Variants in FAM186A observed in about 807,000 individuals in gnomAD.
FAM186A encodes the protein family with sequence similarity 186 member A.
In FAM186A, 163 loss-of-function variants were observed where a neutral mutation model predicts 216.8. The observed-to-expected ratio is 0.75, with a 90% CI of 0.66 to 0.86. The LOEUF (loss-of-function observed/expected upper bound fraction) is 0.86, where lower values mean the gene tolerates loss of function less well. FAM186A is among the 40% of genes least tolerant of loss of function. The pLI, the probability that FAM186A is intolerant of heterozygous loss-of-function variation, is 0.00. For synonymous variants in FAM186A, 805 were observed against 1,025.3 expected (o/e 0.79, Z 4.10); for missense variants, 2,184 against 2,746.2 (o/e 0.80, Z 4.58).
chr12:50,370,123 CA>C (rs56403101), intron 1 of FAM186A, among the ~76,000 whole-genome samples: 49 of 38,438 alleles, frequency 1.3e-3, no homozygotes, highest in African/African-American at 4.3e-3. Flanking sequence ...GACTCCATCT[CA>C]AAAAAAAAAA....
chr12:50,373,077 G>GAA (rs1491372726), intron 1 of FAM186A, among the ~76,000 whole-genome samples: 1 of 138,488 alleles, frequency 7.2e-6, no homozygotes, highest in East Asian at 2.2e-4. Context: ...GAAAGAAAGA[G>GAA]AAAAGAAAGA....
chr12:50,360,896 T>A lies in FAM186A; in HGVS notation c.443A>T (p.Asp148Val). 1 of 1,544,240 alleles carries A rather than the reference T, an allele frequency of 6.5e-7. No homozygotes were observed. The highest frequency in any genetic ancestry group is 8.7e-7 in the Non-Finnish European group (1 of 1,145,230). ...NDVLSEMTLM[D>V]VDEHHHWIAQ... ...TATCCAGTGGTGGTGTTCATCAACA[T>A]CCATTAGAGTCATCTCAGACAAAAC... The change falls in exon 3 of 8, where the codon GAT (aspartate) becomes GTT (valine). Residue 148 changes from aspartate (D) to valine (V), a missense_variant. Transcript: ENST00000327337.
rs771595917 is a variant in FAM186A, at chr12:50,336,895, G to GTA, written c.6504-2794_6504-2793dup. On this transcript the variant is annotated intron_variant, in intron 4 of 7. Coordinates refer to ENST00000327337, the MANE Select transcript of FAM186A (RefSeq NM_001145475.3). ...AAATATATGTATTTTATATACATGC[G>GTA]TATATATATATATTGCCTCAGGTGA... Among the ~76,000 whole-genome samples the GTA allele has an allele frequency of 2.5e-4, 38 of 150,106 alleles. No individual in the cohort carries two copies. The South Asian group carries it at 2.9e-3, about 12-fold the overall frequency.
intron 1 of FAM186A, among the ~76,000 whole-genome samples, chr12:50,383,439 A>G (rs1207227235): frequency 2.0e-5 from 3 of 151,780 alleles, no homozygotes; most frequent in Non-Finnish European, 1.5e-5. Context: ...TACTAAAAAT[A>G]CAAAAAATTA....
chr12:50,375,502 T>C (rs1230642617), intron 1 of FAM186A, among the ~76,000 whole-genome samples: 1 of 151,112 alleles, frequency 6.6e-6, no homozygotes, highest in Non-Finnish European at 1.5e-5. Context: ...CGAGCCGAGA[T>C]TGCACCATTG....
intron 4 of FAM186A, among the ~76,000 whole-genome samples, chr12:50,337,752 T>C (rs763216550): frequency 3.3e-5 from 5 of 151,848 alleles, no homozygotes; most frequent in Non-Finnish European, 5.9e-5. Flanking sequence ...AAAAATTAGC[T>C]GGGCGTGGTG....
chr12:50,365,722 A>G (rs1342939668), intron 1 of FAM186A: 2 of 751,692 alleles, frequency 2.7e-6, no homozygotes, highest in East Asian at 4.9e-5. Context: ...ACACCTTCCC[A>G]CATTCGCAGG....
Position 50,330,652 on chromosome 12 carries a change from C to T in FAM186A, c.6955G>A (p.Gly2319Arg), listed in dbSNP as rs1462649842. 1.0e-5 allele frequency: 16 copies of T among 1,550,440 alleles called. No homozygotes were observed. In the Admixed American group the frequency reaches 3.0e-4, roughly 29 times the overall value. The change falls in exon 7 of 8, where the codon GGG (glycine) becomes AGG (arginine). Residue 2319 changes from glycine to arginine, a missense_variant. By Grantham distance (125) the Gly-to-Arg change is moderately radical (BLOSUM62 -2). This residue lies in a region of FAM186A where 721 missense variants were observed against 816.4 expected (regional missense o/e 0.88). Coordinates refer to ENST00000327337, the MANE Select transcript of FAM186A (RefSeq NM_001145475.3). ...AGCAGCCTGGGAATATCTGGGTACCCACCCAGCTGGGCCCAGAGTGAATGC... is the reference window on the plus strand; with the variant it reads ...AGCAGCCTGGGAATATCTGGGTACCTACCCAGCTGGGCCCAGAGTGAATGC... ...SMHSLWAQLG[G>R]YPDIPRLLQL...
At chr12:50,349,642 C>G (rs7137319) in intron 4 of FAM186A, among the ~76,000 whole-genome samples, 98,086 of 138,604 alleles carry the variant, frequency 0.71, 32,158 homozygotes, top group Admixed American at 0.78. Flanking sequence ...ATGGCAGGAT[C>G]TCTTTTTATT....
Position 50,355,743 on chromosome 12 carries a change from C to T in FAM186A, c.1089G>A (p.Ala363=), listed in dbSNP as rs914663410. The T allele has an allele frequency of 3.8e-5, 59 of 1,551,520 alleles. No individual in the cohort carries two copies. Among genetic ancestry groups the T allele is most frequent in the Non-Finnish European group, 4.7e-5 (54 of 1,146,984 alleles). The part of the protein sequence containing the change: ...LPGPSPQSSR[A]IIKVGDTEDN... ...CCTCAGTATCACCAACTTTGATTAT[C>T]GCCCTGGATGACTGTGGAGAAGGTC... is the stretch of plus-strand genomic sequence containing the variant. The change falls in exon 4 of 8, where the codon GCG becomes GCA. Residue 363 remains alanine (A), a synonymous_variant. Coordinates refer to ENST00000327337, the MANE Select transcript of FAM186A (RefSeq NM_001145475.3).
intron 4 of FAM186A, among the ~76,000 whole-genome samples, chr12:50,348,803 G>A (rs2138771214): frequency 6.6e-6 from 1 of 152,222 alleles, no homozygotes; most frequent in South Asian, 2.1e-4. Flanking sequence ...TGATCCACCT[G>A]CCTCGGCCTC....
At chr12:50,338,401 A>T (rs777308956) in intron 4 of FAM186A, among the ~76,000 whole-genome samples, 2 of 152,100 alleles carry the variant, frequency 1.3e-5, no homozygotes, top group Non-Finnish European at 2.9e-5. Flanking sequence ...GGGTTTCACC[A>T]TGTTGGCTAG....
Position 50,393,971 on chromosome 12 carries a change from T to G in FAM186A, c.192+2322A>C, listed in dbSNP as rs1458168061. On this transcript the variant is annotated intron_variant, in intron 1 of 7. Transcript: ENST00000327337. ...TCTTGCTCTGTCACCCAGGCTGGAG[T>G]GCATTGGCACCATCTCGGCTCACTG... 2.0e-5 allele frequency among the ~76,000 whole-genome samples: 3 copies of G among 151,992 alleles called. No individual in the cohort carries two copies. The South Asian group carries it at 6.2e-4, about 32-fold the overall frequency.
rs1447994614 is a variant in FAM186A at position 50,351,567 on chromosome 12, G to T, written c.5265C>A (p.Val1755=). The change falls in exon 4 of 8, where the codon GTC becomes GTA. Residue 1755 remains valine (V), a synonymous_variant. Transcript: ENST00000327337. ...PTAEKSSIFG[V]SSTPLQISRV... The stretch of plus-strand genomic sequence containing the variant: ...TTGATATCTGCAAAGGAGTAGAAGA[G>T]ACCCCGAATATAGAGGACTTCTCAG... 1.3e-6 allele frequency: 2 copies of T among 1,549,612 alleles called. No individual in the cohort carries two copies. The highest frequency in any genetic ancestry group is 1.7e-6 in the Non-Finnish European group (2 of 1,146,056).
intron 1 of FAM186A, chr12:50,365,857 A>C (rs1943082380): frequency 5.2e-6 from 4 of 762,858 alleles, no homozygotes; most frequent in Non-Finnish European, 9.6e-6. Context: ...CAAATTGGCA[A>C]AGTAGTCCAG....
In FAM186A at chr12:50,380,611, G is replaced by A. The variant is rs550954326; in HGVS notation, c.192+15682C>T. On this transcript the variant is annotated intron_variant, in intron 1 of 7. Coordinates refer to ENST00000327337, the MANE Select transcript of FAM186A (RefSeq NM_001145475.3). ...CTCAGGAGGCTGAGGCAAGAGAATC[G>A]CTTGAACCTGGGAGGTGGAGGTTGC... Among the ~76,000 whole-genome samples the A allele has an allele frequency of 8.6e-5, 13 of 150,878 alleles. No homozygotes were observed. The South Asian group carries it at 1.5e-3, about 17-fold the overall frequency.
chr12:50,365,913 A>G lies in FAM186A; in HGVS notation c.193-2549T>C, dbSNP rs964841288. On this transcript the variant is annotated intron_variant, in intron 1 of 7. Coordinates refer to ENST00000327337, the MANE Select transcript of FAM186A (RefSeq NM_001145475.3). ...TATCTACATTGAACGGGTGCAGTGGAAAAAGGCTAATGGCACAACTGTCCA... is the reference window on the plus strand; with the variant it reads ...TATCTACATTGAACGGGTGCAGTGGGAAAAGGCTAATGGCACAACTGTCCA... 4 of 762,052 alleles carry G rather than the reference A, an allele frequency of 5.2e-6. No homozygotes were observed. The East Asian group carries it at 9.7e-5, about 19-fold the overall frequency. 47.2% of individuals were successfully genotyped at this position (762,052 alleles called of 1,614,324 possible).
chr12:50,339,779 C>T (rs1942744924), intron 4 of FAM186A, among the ~76,000 whole-genome samples: 1 of 137,974 alleles, frequency 7.2e-6, no homozygotes. Context: ...CACACACACA[C>T]AGAGCTTCTT....
Position 50,355,314 on chromosome 12 carries a change from C to A in FAM186A, c.1518G>T (p.Met506Ile). ...LQVLKKKRKE[M>I]KSFSEDKSKS... Reference sequence around the variant, plus strand: ...TTGATTTATCTTCAGAAAAGGATTTCATTTCTTTTCTTTTCTTTTTCAGTA... The same window carrying A: ...TTGATTTATCTTCAGAAAAGGATTTAATTTCTTTTCTTTTCTTTTTCAGTA... The change falls in exon 4 of 8, where the codon ATG (methionine) becomes ATT (isoleucine). Residue 506 changes from methionine to isoleucine, a missense_variant. Physicochemically the swap from Met to Ile is conservative, Grantham distance 10 (BLOSUM62 1). Coordinates refer to ENST00000327337, the MANE Select transcript of FAM186A (RefSeq NM_001145475.3). The A allele has an allele frequency of 6.5e-7, 1 of 1,550,268 alleles. No individual in the cohort carries two copies. Among genetic ancestry groups the A allele is most frequent in the Non-Finnish European group, 8.7e-7 (1 of 1,146,742 alleles).
Sources: gnomAD v4.1 joint callset for allele counts (sites outside exome capture counted in the v4.1 genomes callset) on GRCh38, gnomAD v4.1.1 for gene constraint, gnomAD v4.1.1 regional missense constraint, MANE v1.5 for transcripts, NCBI Gene and HGNC (gene_info 2026-07-23, HGNC 2026-07-21) for gene names.